Variants in PLEKHA5 observed in about 807,000 individuals in gnomAD.
PLEKHA5 encodes the protein pleckstrin homology domain-containing family A member 5.
A neutral mutation model predicts 181.9 loss-of-function variants in PLEKHA5; 55 were observed. The ratio of observed to expected loss-of-function variants is 0.30; its 90% confidence interval spans 0.24 to 0.38. The LOEUF is 0.38. Among genes scored for constraint, PLEKHA5 ranks in the 10% least tolerant of loss-of-function variants. PLEKHA5 has a pLI of 1.00. For missense variants in PLEKHA5, 1,432 were observed against 1,549.5 expected (o/e 0.92, Z 1.27); for synonymous variants, 535 against 529.4 (o/e 1.01, Z -0.15).
At chr12:19,236,948 A>G (rs1010666525) in intron 3 of PLEKHA5, 1 of 152,204 alleles carries the variant, frequency 6.6e-6, no homozygotes, top group Non-Finnish European at 1.5e-5. Context: ...CAGCTCAAAG[A>G]CAAAGCAGTT....
chr12:19,335,847 G>A (rs1292570159), intron 20 of PLEKHA5, among the ~76,000 whole-genome samples: 1 of 151,990 alleles, frequency 6.6e-6, no homozygotes, highest in South Asian at 2.1e-4. Context: ...GGCCAGGGTG[G>A]TCTCAAACTG....
intron 21 of PLEKHA5, among the ~76,000 whole-genome samples, chr12:19,339,922 A>G (rs1032383): frequency 0.65 from 99,371 of 152,024 alleles, 36,135 homozygotes; most frequent in Non-Finnish European, 0.84. Flanking sequence ...TAAATAAACA[A>G]GGAAACATAA....
chr12:19,131,804 T>A (rs1231258162), intron 2 of PLEKHA5, among the ~76,000 whole-genome samples: 1 of 152,162 alleles, frequency 6.6e-6, no homozygotes, highest in African/African-American at 2.4e-5. Context: ...ATGTAGCACA[T>A]AATGACCATT....
chr12:19,308,467 C>T (rs1321765600), intron 15 of PLEKHA5, among the ~76,000 whole-genome samples: 4 of 152,092 alleles, frequency 2.6e-5, no homozygotes, highest in Admixed American at 2.0e-4. Flanking sequence ...TGGTGTAACC[C>T]GTTTTACTAT....
intron 3 of PLEKHA5, among the ~76,000 whole-genome samples, chr12:19,206,640 T>C (rs1170123738): frequency 6.6e-6 from 1 of 152,116 alleles, no homozygotes; most frequent in African/African-American, 2.4e-5. Flanking sequence ...CAGGCAATTA[T>C]GTGAGGCTTT....
At position 19,274,859 on chromosome 12, in the gene PLEKHA5, C is replaced by G; in HGVS notation, c.1189C>G (p.Arg397Gly). ...VSLADLRGGN[R>G]PNTGPLYTEA... ...CCTGGCAGATCTTAGAGGTGGAAAT[C>G]GCCCCAATACAGGGCCCTTATACAC... Residue 397 changes from arginine (R) to glycine (G), a missense_variant, in exon 11 of 32, where the codon CGC becomes GGC. Transcript: ENST00000429027. 6.2e-7 allele frequency: 1 copy of G among 1,613,930 alleles called. No individual in the cohort carries two copies. The highest frequency in any genetic ancestry group is 1.6e-4 in the Middle Eastern group (1 of 6,062).
chr12:19,229,708 C>T (rs2060195648), intron 3 of PLEKHA5, among the ~76,000 whole-genome samples: 1 of 152,230 alleles, frequency 6.6e-6, no homozygotes, highest in Non-Finnish European at 1.5e-5. Context: ...CAGGTTGCCA[C>T]TGCTGGCTTG....
intron 3 of PLEKHA5, among the ~76,000 whole-genome samples, chr12:19,228,766 T>C (rs1401625001): frequency 2.0e-5 from 3 of 152,212 alleles, no homozygotes; most frequent in Non-Finnish European, 2.9e-5. Context: ...ACATTCTCTT[T>C]TTTTCTTTTT....
chr12:19,197,422 C>T (rs1430291372), intron 3 of PLEKHA5, among the ~76,000 whole-genome samples: 7 of 152,050 alleles, frequency 4.6e-5, no homozygotes, highest in East Asian at 1.9e-4. Flanking sequence ...TTTTTGCTCA[C>T]GTCTCACCTT....
chr12:19,362,704 G>C (rs1287559442), intron 29 of PLEKHA5, among the ~76,000 whole-genome samples: 1 of 151,942 alleles, frequency 6.6e-6, no homozygotes, highest in Non-Finnish European at 1.5e-5. Context: ...AGGCTGCAGT[G>C]AGCCATGATC....
chr12:19,261,399 G>A (rs926137328), intron 7 of PLEKHA5, among the ~76,000 whole-genome samples: 9 of 152,120 alleles, frequency 5.9e-5, no homozygotes, highest in African/African-American at 1.7e-4. Flanking sequence ...AATGATATTA[G>A]AATATTAAGG....
Position 19,375,523 on chromosome 12 carries a change from T to C in PLEKHA5, c.*12-8T>C, listed in dbSNP as rs2095695807. 6.6e-6 allele frequency: 1 copy of C among 152,582 alleles called. No homozygotes were observed. 9.5% of individuals were successfully genotyped at this position (152,582 alleles called of 1,614,324 possible). On this transcript the variant is annotated splice_polypyrimidine_tract_variant and splice_region_variant and intron_variant, in intron 31 of 31. Coordinates refer to ENST00000429027, the MANE Select transcript of PLEKHA5 (RefSeq NM_001256470.2). The stretch of plus-strand genomic sequence containing the variant: ...TGTCAAAGTAATTTCCTCTCTCTTA[T>C]TTTTCAGCTATACTGACTTCTGTTG...
intron 15 of PLEKHA5, among the ~76,000 whole-genome samples, chr12:19,303,253 A>G (rs1314777608): frequency 6.6e-6 from 1 of 152,090 alleles, no homozygotes; most frequent in Non-Finnish European, 1.5e-5. Context: ...CCACTGCTTA[A>G]TCACTTGTTA....
chr12:19,320,082 A>G (rs1165620409), intron 17 of PLEKHA5, 26 bp downstream of exon 17: 1 of 810,420 alleles, frequency 1.2e-6, no homozygotes, highest in East Asian at 2.9e-5. Context: ...TATTATATAT[A>G]TGTATACAAT....
At chr12:19,280,041 T>G (rs866443940) in intron 11 of PLEKHA5, among the ~76,000 whole-genome samples, 192 of 109,930 alleles carry the variant, frequency 1.7e-3, no homozygotes, top group African/African-American at 7.6e-3. Flanking sequence ...AACCTGTTTT[T>G]TTTTTTTTTT....
At chr12:19,180,145 G>A (rs1483003846) in intron 3 of PLEKHA5, among the ~76,000 whole-genome samples, 2 of 152,136 alleles carry the variant, frequency 1.3e-5, no homozygotes, top group Non-Finnish European at 2.9e-5. Context: ...TTTAGAGCAC[G>A]GAAATGCCAG....
At chr12:19,195,458 C>T (rs1016806273) in intron 3 of PLEKHA5, among the ~76,000 whole-genome samples, 1 of 151,752 alleles carries the variant, frequency 6.6e-6, no homozygotes, top group Non-Finnish European at 1.5e-5. Flanking sequence ...CACTTGAGTC[C>T]AGAGTTCGAG....
intron 31 of PLEKHA5, among the ~76,000 whole-genome samples, chr12:19,374,146 T>C (rs2095654703): frequency 6.6e-6 from 1 of 152,196 alleles, no homozygotes; most frequent in South Asian, 2.1e-4. Context: ...GACACTACGA[T>C]GTAGGCAGCT....
intron 20 of PLEKHA5, among the ~76,000 whole-genome samples, chr12:19,331,534 A>T (rs148657981): frequency 0.013 from 2,055 of 152,254 alleles, 154 homozygotes; most frequent in Admixed American, 0.12. Context: ...AGGACATAGT[A>T]TATATCTGCT....
Sources: allele counts gnomAD v4.1 joint callset (sites outside exome capture counted in the v4.1 genomes callset), GRCh38; gene constraint gnomAD v4.1.1; transcripts MANE v1.5; gene names NCBI Gene and HGNC (gene_info 2026-07-23, HGNC 2026-07-21).